ANK1: variants seen among roughly 807,000 people sequenced by gnomAD.
ANK1 encodes ankyrin-1.
Under a neutral mutation model 210.4 loss-of-function variants are expected in ANK1, and 51 were observed. The ratio of observed to expected loss-of-function variants is 0.24; its 90% confidence interval spans 0.19 to 0.31. The LOEUF (loss-of-function observed/expected upper bound fraction) is 0.31, where lower values mean the gene tolerates loss of function less well. Among genes scored for constraint, ANK1 ranks in the 10% least tolerant of loss-of-function variants. ANK1 has a pLI of 1.00. For missense variants in ANK1, 2,051 were observed against 2,504.4 expected (o/e 0.82, Z 3.86); for synonymous variants, 967 against 1,025.9 (o/e 0.94, Z 1.10).
chr8:41,702,570 A>C (rs1367754781), intron 20 of ANK1, among the ~76,000 whole-genome samples: 1 of 152,214 alleles, frequency 6.6e-6, no homozygotes, highest in Non-Finnish European at 1.5e-5. Flanking sequence ...ATGGGGTATT[A>C]AAATAGTTGA....
intron 2 of ANK1, among the ~76,000 whole-genome samples, chr8:41,744,147 A>T (rs1424487415): frequency 2.6e-5 from 4 of 152,264 alleles, no homozygotes; most frequent in Non-Finnish European, 5.9e-5. Context: ...AAAATAAGTC[A>T]TGGGAGTATC....
chr8:41,892,077 G>A (rs1411566644), intron 1 of ANK1, among the ~76,000 whole-genome samples: 1 of 152,170 alleles, frequency 6.6e-6, no homozygotes, highest in Non-Finnish European at 1.5e-5. Flanking sequence ...GATAACAGCA[G>A]AAGTTGAAAT....
At chr8:41,830,565 A>G (rs1279227065) in intron 1 of ANK1, among the ~76,000 whole-genome samples, 2 of 152,188 alleles carry the variant, frequency 1.3e-5, no homozygotes, top group African/African-American at 4.8e-5. Flanking sequence ...GGTAAAGCCA[A>G]GATTCCCAGG....
At chr8:41,725,974 C>T (rs369733443) in intron 5 of ANK1, 28 bp from the exon 6 acceptor site, 167 of 1,606,698 alleles carry the variant, frequency 1.0e-4, no homozygotes, top group Non-Finnish European at 1.3e-4. Context: ...ATGCTTTGCT[C>T]TGACTCGTCT....
At chr8:41,747,931 G>A (rs1003909967) in intron 2 of ANK1, among the ~76,000 whole-genome samples, 3 of 152,182 alleles carry the variant, frequency 2.0e-5, no homozygotes, top group Admixed American at 6.5e-5. Context: ...AGATCACCCA[G>A]AGCAATAACA....
chr8:41,767,295 C>G (rs1020539942), intron 1 of ANK1, among the ~76,000 whole-genome samples: 1 of 151,140 alleles, frequency 6.6e-6, no homozygotes, highest in African/African-American at 2.4e-5. Context: ...GCCCCGATCC[C>G]CGCGCCCCGG....
intron 1 of ANK1, among the ~76,000 whole-genome samples, chr8:41,880,421 T>C (rs1817371246): frequency 6.6e-6 from 1 of 152,224 alleles, no homozygotes; most frequent in South Asian, 2.1e-4. Context: ...GGGGAAGGCA[T>C]TCCAGGAGTG....
chr8:41,678,269 G>T (rs747277661), intron 37 of ANK1, among the ~76,000 whole-genome samples: 5 of 152,084 alleles, frequency 3.3e-5, no homozygotes, highest in Non-Finnish European at 5.9e-5. Flanking sequence ...CTCTCAAGTA[G>T]CTGGGACTAC....
In ANK1 at chr8:41,715,004, C is replaced by T. The variant is rs577967149; in HGVS notation, c.1673G>A (p.Arg558Gln). 15 of 1,614,178 alleles carry T rather than the reference C, an allele frequency of 9.3e-6. No individual in the cohort carries two copies. The highest frequency in any genetic ancestry group is 2.7e-5 in the African/African-American group (2 of 75,056). Residue 558 changes from arginine to glutamine, a missense_variant, in exon 15 of 43, where the codon CGG (arginine) becomes CAG (glutamine). Coordinates refer to ENST00000289734, the MANE Select transcript of ANK1 (RefSeq NM_000037.4). ...KVRVAELLLE[R>Q]DAHPNAAGKN... ...TCCGGCAGCATTCGGGTGTGCGTCC[C>T]GCTCCAGCAGCAGCTCTGCCACCCG... is the stretch of plus-strand genomic sequence containing the variant.
chr8:41,668,006 T>G (rs1811097105), intron 39 of ANK1, among the ~76,000 whole-genome samples: 1 of 152,230 alleles, frequency 6.6e-6, no homozygotes, highest in African/African-American at 2.4e-5. Context: ...AGCCCACTTC[T>G]GAAACTGTGA....
At chr8:41,688,331 G>T in intron 34 of ANK1, 101 bp from the exon 35 acceptor site, 2 of 1,455,870 alleles carry the variant, frequency 1.4e-6, no homozygotes, top group Non-Finnish European at 1.9e-6. Flanking sequence ...TGTGCACTGG[G>T]GTGATTGTCT....
chr8:41,753,099 G>C (rs1341216549), intron 2 of ANK1, among the ~76,000 whole-genome samples: 1 of 128,770 alleles, frequency 7.8e-6, no homozygotes, highest in Non-Finnish European at 1.6e-5. Context: ...GTCTTGCTCT[G>C]TTGCCCAAGC....
At chr8:41,794,895 G>A (rs1472392466) in intron 1 of ANK1, among the ~76,000 whole-genome samples, 4 of 151,984 alleles carry the variant, frequency 2.6e-5, no homozygotes, top group South Asian at 4.1e-4. Context: ...TAACAGAGGC[G>A]GGGTTTCACC....
At chr8:41,728,086 G>T in intron 3 of ANK1, 80 bp from the exon 4 acceptor site, 3 of 1,412,474 alleles carry the variant, frequency 2.1e-6, no homozygotes, top group Non-Finnish European at 2.0e-6. Flanking sequence ...GTGGACAGGT[G>T]CTGCTTGAGG....
At chr8:41,881,514 G>A (rs1563958235) in intron 1 of ANK1, among the ~76,000 whole-genome samples, 1 of 152,160 alleles carries the variant, frequency 6.6e-6, no homozygotes, top group Non-Finnish European at 1.5e-5. Flanking sequence ...GTACAAGGTG[G>A]GGATGCTATT....
intron 1 of ANK1, among the ~76,000 whole-genome samples, chr8:41,843,130 G>A (rs1393045364): frequency 2.0e-5 from 3 of 152,190 alleles, no homozygotes; most frequent in Admixed American, 6.5e-5. Flanking sequence ...TTACAGGCAT[G>A]AGCCACCGCG....
chr8:41,878,817 C>A (rs940938679), intron 1 of ANK1, among the ~76,000 whole-genome samples: 1 of 152,106 alleles, frequency 6.6e-6, no homozygotes, highest in Non-Finnish European at 1.5e-5. Context: ...AATCTCAGCA[C>A]TTTGGGAGGC....
chr8:41,790,153 T>C (rs1847332494), intron 1 of ANK1, among the ~76,000 whole-genome samples: 1 of 151,804 alleles, frequency 6.6e-6, no homozygotes, highest in South Asian at 2.1e-4. Context: ...TCTTTTTTTT[T>C]TTTTTTTTCA....
At chr8:41,790,259 G>A (rs13252646) in intron 1 of ANK1, among the ~76,000 whole-genome samples, 117,529 of 151,630 alleles carry the variant, frequency 0.78, 46,437 homozygotes, top group African/African-American at 0.86. Context: ...CGATTCTCCC[G>A]CCTCAGCCTT....
Sources: gnomAD v4.1 joint callset for allele counts (sites outside exome capture counted in the v4.1 genomes callset) on GRCh38, gnomAD v4.1.1 for gene constraint, MANE v1.5 for transcripts, NCBI Gene and HGNC (gene_info 2026-07-23, HGNC 2026-07-21) for gene names.